UGT2B4: variants seen among roughly 807,000 people sequenced by gnomAD.
UGT2B4 encodes UDP-glucuronosyltransferase 2B4.
UGT2B4 carries 49 observed loss-of-function variants against 49.8 expected under a neutral mutation model. The observed-to-expected ratio is 0.98, with a 90% CI of 0.78 to 1.25. The LOEUF (loss-of-function observed/expected upper bound fraction) is 1.25. Among genes scored for constraint, UGT2B4 ranks in the 50% most tolerant of loss-of-function variants. The pLI, the probability that UGT2B4 is intolerant of heterozygous loss-of-function variation, is 0.00. For missense variants in UGT2B4, 729 were observed against 627.7 expected (o/e 1.16, Z -1.73); for synonymous variants, 246 against 217.7 (o/e 1.13, Z -1.14).
intron 1 of UGT2B4, among the ~76,000 whole-genome samples, chr4:69,503,116 C>T (rs961613053): frequency 2.6e-5 from 4 of 152,212 alleles, no homozygotes; most frequent in African/African-American, 2.4e-5. Flanking sequence ...AACTTGGTCA[C>T]ATAATAGACT....
intron 1 of UGT2B4, among the ~76,000 whole-genome samples, chr4:69,509,007 C>T (rs1194740358): frequency 6.6e-6 from 1 of 152,050 alleles, no homozygotes; most frequent in East Asian, 1.9e-4. Context: ...TCACTGGAAG[C>T]CAACATGCTA....
chr4:69,492,648 A>G (rs1728024764), intron 2 of UGT2B4, among the ~76,000 whole-genome samples: 2 of 152,148 alleles, frequency 1.3e-5, no homozygotes, highest in Admixed American at 6.6e-5. Context: ...TAAGTAATTC[A>G]TAGTATTAGT....
chr4:69,481,877 C>T lies in UGT2B4; in HGVS notation c.1311-967G>A, dbSNP rs377422896. ...ACTCTTTGTGTCCTACTGTTTCCCA[C>T]GCAGTAGCCAGAATGATTATTTTTG... On this transcript the variant is annotated intron_variant, in intron 5 of 5. Transcript: ENST00000305107. 1.4e-4 allele frequency among the ~76,000 whole-genome samples: 22 copies of T among 152,314 alleles called. No homozygotes were observed. In the East Asian group the frequency reaches 3.5e-3, roughly 24 times the overall value.
At chr4:69,506,885 T>G (rs1728484106) in intron 1 of UGT2B4, among the ~76,000 whole-genome samples, 1 of 152,124 alleles carries the variant, frequency 6.6e-6, no homozygotes, top group African/African-American at 2.4e-5. Context: ...CATGATCAAG[T>G]AGGCATTATC....
chr4:69,481,911 G>A (rs977376063), intron 5 of UGT2B4, among the ~76,000 whole-genome samples: 5 of 152,086 alleles, frequency 3.3e-5, no homozygotes, highest in African/African-American at 1.2e-4. Flanking sequence ...TGAAATAAAA[G>A]TCAGATTGTG....
chr4:69,485,070 A>C (rs978479248), intron 5 of UGT2B4, 138 bp downstream of exon 5: 2 of 1,079,642 alleles, frequency 1.9e-6, no homozygotes, highest in Non-Finnish European at 2.7e-6. Flanking sequence ...ACTCAAAAAT[A>C]AAAGCAGATT....
intron 5 of UGT2B4, among the ~76,000 whole-genome samples, 181 bp from the exon 6 acceptor site, chr4:69,481,091 GAA>G (rs57494102): frequency 0.099 from 6,707 of 67,648 alleles, 342 homozygotes; most frequent in Non-Finnish European, 0.11. Context: ...GTAAAAATAT[GAA>G]AAAAAAAAAA....
intron 1 of UGT2B4, among the ~76,000 whole-genome samples, chr4:69,525,522 A>G (rs1055795220): frequency 1.3e-5 from 2 of 152,186 alleles, no homozygotes; most frequent in African/African-American, 4.8e-5. Context: ...TAATTTTTTA[A>G]TAAGTATTTT....
chr4:69,516,502 T>C (rs534955944), intron 1 of UGT2B4, among the ~76,000 whole-genome samples: 38 of 152,348 alleles, frequency 2.5e-4, no homozygotes, highest in African/African-American at 9.1e-4. Context: ...CTGTTGTTTT[T>C]TGACTTTTTA....
intron 1 of UGT2B4, among the ~76,000 whole-genome samples, chr4:69,505,040 C>A (rs1728434501): frequency 6.6e-6 from 1 of 152,142 alleles, no homozygotes; most frequent in South Asian, 2.1e-4. Context: ...TACCACCACA[C>A]CTGCCTTACA....
At chr4:69,507,112 A>T (rs1053078139) in intron 1 of UGT2B4, among the ~76,000 whole-genome samples, 3 of 152,202 alleles carry the variant, frequency 2.0e-5, no homozygotes, top group Non-Finnish European at 4.4e-5. Context: ...ACCCACAGTC[A>T]ACATCATACT....
intron 1 of UGT2B4, among the ~76,000 whole-genome samples, chr4:69,501,605 G>A (rs1169354692): frequency 1.3e-5 from 2 of 152,104 alleles, no homozygotes; most frequent in Non-Finnish European, 2.9e-5. Flanking sequence ...CCCTGACCCT[G>A]CTCCTCATCA....
intron 2 of UGT2B4, among the ~76,000 whole-genome samples, chr4:69,490,363 C>T (rs1353010059): frequency 6.6e-6 from 1 of 152,064 alleles, no homozygotes; most frequent in Non-Finnish European, 1.5e-5. Context: ...AATTGATGTG[C>T]TATTTATAAC....
intron 5 of UGT2B4, among the ~76,000 whole-genome samples, 181 bp from the exon 6 acceptor site, chr4:69,481,091 G>GAAAAAAAAAAAAAAAAA (rs57494102): frequency 3.2e-4 from 22 of 67,810 alleles, no homozygotes; most frequent in East Asian, 1.9e-3. Flanking sequence ...GTAAAAATAT[G>GAAAAAAAAAAAAAAAAA]AAAAAAAAAA....
At chr4:69,512,056 T>C (rs1728617677) in intron 1 of UGT2B4, among the ~76,000 whole-genome samples, 1 of 151,932 alleles carries the variant, frequency 6.6e-6, no homozygotes, top group Non-Finnish European at 1.5e-5. Flanking sequence ...TTAGTCTAGC[T>C]ATTTGAAAAT....
intron 4 of UGT2B4, 58 bp downstream of exon 4, chr4:69,486,551 A>C: frequency 8.2e-7 from 1 of 1,224,018 alleles, no homozygotes; most frequent in East Asian, 2.6e-5. Flanking sequence ...CATGATAACT[A>C]TTAACACTTT....
At chr4:69,506,625 C>A (rs1295465553) in intron 1 of UGT2B4, among the ~76,000 whole-genome samples, 2 of 151,382 alleles carry the variant, frequency 1.3e-5, no homozygotes, top group Non-Finnish European at 2.9e-5. Context: ...AGATTCACAG[C>A]TAAATGGTGC....
chr4:69,500,622 A>C (rs375639289), upstream of UGT2B4, among the ~76,000 whole-genome samples: 6,536 of 122,368 alleles, frequency 0.053, 264 homozygotes, highest in East Asian at 0.15. Context: ...AGAAAGAAAG[A>C]AAGAAAGAAA....
intron 1 of UGT2B4, among the ~76,000 whole-genome samples, chr4:69,512,229 G>C (rs1023774148): frequency 2.0e-5 from 3 of 151,742 alleles, no homozygotes; most frequent in African/African-American, 7.3e-5. Flanking sequence ...TGTAATGTTA[G>C]CCTGATAATT....
Sources: allele counts gnomAD v4.1 joint callset (sites outside exome capture counted in the v4.1 genomes callset), GRCh38; gene constraint gnomAD v4.1.1; transcripts MANE v1.5; gene names NCBI Gene and HGNC (gene_info 2026-07-23, HGNC 2026-07-21).